TNFSF10: variants seen among roughly 807,000 people sequenced by gnomAD.
TNFSF10 encodes TNF superfamily member 10.
TNFSF10 carries 13 observed loss-of-function variants against 29.5 expected under a neutral mutation model. The observed-to-expected ratio is 0.44, with a 90% confidence interval of 0.29 to 0.70. The LOEUF (loss-of-function observed/expected upper bound fraction) is 0.70. TNFSF10 is among the 30% of genes least tolerant of loss of function. The pLI is 0.13. For missense variants in TNFSF10, 345 were observed against 330.9 expected (o/e 1.04, Z -0.33); for synonymous variants, 111 against 112.8 (o/e 0.98, Z 0.10).
At chr3:172,510,929 A>G (rs1713192789) in intron 3 of TNFSF10, among the ~76,000 whole-genome samples, 1 of 152,248 alleles carries the variant, frequency 6.6e-6, no homozygotes, top group African/African-American at 2.4e-5. Flanking sequence ...TACATGTGAT[A>G]AAAATAACAG....
chr3:172,521,659 A>G (rs1306531357), intron 1 of TNFSF10, among the ~76,000 whole-genome samples: 1 of 152,240 alleles, frequency 6.6e-6, no homozygotes, highest in Admixed American at 6.5e-5. Context: ...TCAAGGAACC[A>G]GAAATACCAT....
Position 172,506,050 on chromosome 3 carries a change from TTC to T in TNFSF10, c.*440_*441del, listed in dbSNP as rs926867557. On this transcript the variant is annotated 3_prime_UTR_variant, in exon 5 of 5. Coordinates refer to ENST00000241261, the MANE Select transcript of TNFSF10 (RefSeq NM_003810.4). ...AACTGCGATCTTTTAGTGGTGCCTC[TTC>T]TCTCTTTTGACTTAAGGATGTTGTC... The T allele has an allele frequency of 1.9e-5, 3 of 154,868 alleles. No individual in the cohort carries two copies. Among genetic ancestry groups the T allele is most frequent in the African/African-American group, 7.2e-5 (3 of 41,494 alleles). The allele number at this position is 154,868 out of a possible 1,614,324, so 9.6% of individuals were successfully genotyped here. A position where few individuals can be genotyped will look rare whatever the true frequency, so the allele number is the denominator to read the frequency against.
chr3:172,515,161 TAAAA>T (rs766198713), intron 1 of TNFSF10, among the ~76,000 whole-genome samples, 163 bp from the exon 2 acceptor site: 1 of 140,368 alleles, frequency 7.1e-6, no homozygotes, highest in Non-Finnish European at 1.6e-5. Context: ...CCTTTGTCCT[TAAAA>T]AAAAAAAAAA....
intron 3 of TNFSF10, among the ~76,000 whole-genome samples, chr3:172,511,188 TGGA>T (rs1713206584): frequency 6.6e-6 from 1 of 152,012 alleles, no homozygotes; most frequent in Non-Finnish European, 1.5e-5. Context: ...AAAAGGATGA[TGGA>T]GGAGGAGGCT....
chr3:172,515,079 A>G (rs936939090), intron 1 of TNFSF10, 81 bp from the exon 2 acceptor site: 10 of 1,588,154 alleles, frequency 6.3e-6, no homozygotes, highest in African/African-American at 1.4e-5. Flanking sequence ...GACAACAGAA[A>G]CTGATAGCAG....
chr3:172,506,797 A>G lies in TNFSF10; in HGVS notation c.541T>C (p.Phe181Leu). 1.2e-6 allele frequency: 2 copies of G among 1,614,152 alleles called. No homozygotes were observed. The highest frequency in any genetic ancestry group is 1.7e-6 in the Non-Finnish European group (2 of 1,180,034). ...TATGTTTGGGAATAGATGTAGTAAA[A>G]CCCTTTTTCATGGATGACCAGTTCA... ...NGELVIHEKG[F>L]YYIYSQTYFR... Residue 181 changes from phenylalanine (F) to leucine (L), a missense_variant, in exon 5 of 5, where the codon TTT becomes CTT. By Grantham distance (22) the Phe-to-Leu change is conservative. Transcript: ENST00000241261.
chr3:172,522,257 C>T (rs898307389), intron 1 of TNFSF10: 18 of 630,862 alleles, frequency 2.9e-5, no homozygotes, highest in Non-Finnish European at 4.8e-5. Context: ...TCACAAAGAG[C>T]AATAGACCTC....
chr3:172,521,133 G>A (rs1713672809), intron 1 of TNFSF10, among the ~76,000 whole-genome samples: 1 of 152,064 alleles, frequency 6.6e-6, no homozygotes, highest in Admixed American at 6.5e-5. Flanking sequence ...ATTCAAGATG[G>A]CATGGGCAAA....
intron 1 of TNFSF10, among the ~76,000 whole-genome samples, chr3:172,521,146 CT>C (rs1293370954): frequency 6.6e-6 from 1 of 152,154 alleles, no homozygotes; most frequent in Non-Finnish European, 1.5e-5. Context: ...TGGGCAAAGA[CT>C]TCATGACTAA....
chr3:172,508,779 C>A (rs907561854), intron 4 of TNFSF10, among the ~76,000 whole-genome samples: 1 of 151,998 alleles, frequency 6.6e-6, no homozygotes, highest in African/African-American at 2.4e-5. Context: ...ATCCCAGCTA[C>A]TTGGGAGGCT....
chr3:172,511,626 T>C lies in TNFSF10; in HGVS notation c.304A>G (p.Thr102Ala). The C allele has an allele frequency of 3.1e-6, 5 of 1,611,100 alleles. No homozygotes were observed. Among genetic ancestry groups the C allele is most frequent in the Non-Finnish European group, 4.2e-6 (5 of 1,178,852 alleles). The change falls in exon 3 of 5, where the codon ACA becomes GCA. Residue 102 changes from threonine to alanine, a missense_variant. Thr to Ala is a moderately conservative substitution (Grantham distance 58). Transcript: ENST00000241261. ...ILRTSEETIS[T>A]VQEKQQNISP... is the part of the protein sequence containing the mutation. ...ACAAAAAAGATACTACCTTGAACTG[T>C]AGAAATGGTTTCCTCAGAGGTTCTC...
intron 1 of TNFSF10, chr3:172,522,569 T>C (rs1713746247): frequency 2.0e-6 from 1 of 503,720 alleles, no homozygotes; most frequent in South Asian, 2.1e-5. Context: ...TATTTATTCA[T>C]GGCTACAGTG....
At position 172,523,312 on chromosome 3, in the gene TNFSF10, G is replaced by A. The variant is rs1430354661; in HGVS notation, c.73C>T (p.Leu25Phe). 1 of 1,614,002 alleles carries A rather than the reference G, an allele frequency of 6.2e-7. No homozygotes were observed. Among genetic ancestry groups the A allele is most frequent in the African/African-American group, 1.3e-5 (1 of 74,932 alleles). Residue 25 changes from leucine (L) to phenylalanine (F), a missense_variant, in exon 1 of 5, where the codon CTC becomes TTC. Physicochemically the swap from Leu to Phe is conservative, Grantham distance 22 (BLOSUM62 0). Coordinates refer to ENST00000241261, the MANE Select transcript of TNFSF10 (RefSeq NM_003810.4). ...TCVLIVIFTVLLQSLCVAVTY... is the reference protein window; with the variant it reads ...TCVLIVIFTVFLQSLCVAVTY... ...ACAGCCACACAGAGAGACTGCAGGA[G>A]CACTGTGAAGATCACGATCAGCACG...
At chr3:172,518,613 A>G (rs1338504933) in intron 1 of TNFSF10, 3 of 559,034 alleles carry the variant, frequency 5.4e-6, no homozygotes, top group African/African-American at 2.0e-5. Context: ...GGCTAAGCCC[A>G]TATTTGTTGT....
At chr3:172,518,437 A>G (rs1463778725) in intron 1 of TNFSF10, 1 of 1,289,480 alleles carries the variant, frequency 7.8e-7, no homozygotes. Flanking sequence ...CTGCCCAGAC[A>G]TTAGTCTCTG....
In TNFSF10 at chr3:172,506,807, A is replaced by G. The variant is rs745799525; in HGVS notation, c.531T>C (p.His177=). The G allele has an allele frequency of 6.2e-7, 1 of 1,614,138 alleles. No individual in the cohort carries two copies. Among genetic ancestry groups the G allele is most frequent in the Non-Finnish European group, 8.5e-7 (1 of 1,180,032 alleles). The change falls in exon 5 of 5, where the codon CAT becomes CAC. Residue 177 remains histidine (H), a synonymous_variant. Coordinates refer to ENST00000241261, the MANE Select transcript of TNFSF10 (RefSeq NM_003810.4). ...AATAGATGTAGTAAAACCCTTTTTCATGGATGACCAGTTCACCATTCCTCA... is the reference window on the plus strand; with the variant it reads ...AATAGATGTAGTAAAACCCTTTTTCGTGGATGACCAGTTCACCATTCCTCA... ...LHLRNGELVI[H]EKGFYYIYSQ...
Position 172,511,646 on chromosome 3 carries a change from G to T in TNFSF10, c.284C>A (p.Thr95Asn), listed in dbSNP as rs759369504. ...RQLVRKMILRTSEETISTVQE... is the reference protein window; with the variant it reads ...RQLVRKMILRNSEETISTVQE... Reference sequence around the variant, plus strand: ...AACTGTAGAAATGGTTTCCTCAGAGGTTCTCAAAATCATCTGCAAATATTA... The same window carrying T: ...AACTGTAGAAATGGTTTCCTCAGAGTTTCTCAAAATCATCTGCAAATATTA... The change falls in exon 3 of 5, where the codon ACC (threonine) becomes AAC (asparagine). Residue 95 changes from threonine to asparagine, a missense_variant. Transcript: ENST00000241261. The T allele has an allele frequency of 1.9e-6, 3 of 1,611,688 alleles. No homozygotes were observed. Among genetic ancestry groups the T allele is most frequent in the Non-Finnish European group, 1.7e-6 (2 of 1,179,104 alleles).
At chr3:172,510,115 C>A (rs3181139) in intron 3 of TNFSF10, among the ~76,000 whole-genome samples, 34,678 of 152,068 alleles carry the variant, frequency 0.23, 4,380 homozygotes, top group East Asian at 0.54. Context: ...TAAGGCACTA[C>A]ACCCCAGAGG....
intron 3 of TNFSF10, among the ~76,000 whole-genome samples, chr3:172,510,751 GGAGAAA>G: frequency 6.6e-6 from 1 of 151,574 alleles, no homozygotes; most frequent in African/African-American, 2.4e-5. Context: ...TTTCACCTTT[GGAGAAA>G]TGATAAGAAA....
Sources: gnomAD v4.1 joint callset for allele counts (sites outside exome capture counted in the v4.1 genomes callset) on GRCh38, gnomAD v4.1.1 for gene constraint, MANE v1.5 for transcripts, NCBI Gene and HGNC (gene_info 2026-07-23, HGNC 2026-07-21) for gene names.